Variants in PHYHIPL observed in about 807,000 individuals in gnomAD.
The protein encoded by PHYHIPL is phytanoyl-CoA 2-hydroxylase interacting protein like.
PHYHIPL carries 9 observed loss-of-function variants against 33.4 expected under a neutral mutation model. The observed-to-expected ratio is 0.27, with a 90% CI of 0.16 to 0.47. The LOEUF is 0.47. Among genes scored for constraint, PHYHIPL ranks in the 20% least tolerant of loss-of-function variants. The pLI, the probability that PHYHIPL is intolerant of heterozygous loss-of-function variation, is 0.99. For missense variants in PHYHIPL, 365 were observed against 460.7 expected, an observed-to-expected ratio of 0.79 and a Z score of 1.90; for synonymous variants, 153 against 154.1, an observed-to-expected ratio of 0.99 and a Z score of 0.05.
At chr10:59,185,492 G>A (rs1838567340) in intron 1 of PHYHIPL, among the ~76,000 whole-genome samples, 1 of 152,054 alleles carries the variant, frequency 6.6e-6, no homozygotes, top group Admixed American at 6.5e-5. Context: ...TAATGGGATG[G>A]CTGGGTCAAA....
At chr10:59,196,013 A>G (rs1304640110) in intron 1 of PHYHIPL, among the ~76,000 whole-genome samples, 3 of 152,286 alleles carry the variant, frequency 2.0e-5, no homozygotes, top group South Asian at 2.1e-4. Flanking sequence ...CATATACTCT[A>G]TGTGCATGAG....
At chr10:59,177,199 G>A in intron 1 of PHYHIPL, 1 of 580,906 alleles carries the variant, frequency 1.7e-6, no homozygotes, top group Non-Finnish European at 2.9e-6. Flanking sequence ...GGCGCCCTTC[G>A]CCGCCTTCGC....
intron 1 of PHYHIPL, among the ~76,000 whole-genome samples, chr10:59,220,186 A>G (rs1025999903): frequency 2.0e-5 from 3 of 152,146 alleles, no homozygotes; most frequent in African/African-American, 7.2e-5. Flanking sequence ...CAACTATTAA[A>G]TAAATTAAAG....
rs554618028 is a variant in PHYHIPL at position 59,177,495 on chromosome 10, G to C, written c.106+536G>C. On this transcript the variant is annotated intron_variant, in intron 1 of 4. Transcript: ENST00000373880. ...ATTAGGATGACAGTTTTTCAGTGAGGGCGCAGAAAAACAGTGCATTTCAGC... is the reference window on the plus strand; with the variant it reads ...ATTAGGATGACAGTTTTTCAGTGAGCGCGCAGAAAAACAGTGCATTTCAGC... The C allele has an allele frequency of 3.1e-5, 48 of 1,549,660 alleles. No individual in the cohort carries two copies. In the East Asian group the frequency reaches 1.1e-3, roughly 36 times the overall value.
intron 1 of PHYHIPL, among the ~76,000 whole-genome samples, chr10:59,201,714 G>A (rs1372593823): frequency 2.6e-5 from 4 of 152,020 alleles, no homozygotes; most frequent in Non-Finnish European, 5.9e-5. Flanking sequence ...CCTAATTCTA[G>A]TTTCAGCCAT....
rs1186283710 is a variant in PHYHIPL at position 59,238,610 on chromosome 10, A to T, written c.501A>T (p.Thr167=). ...CAGACTATTCAAAAGTTCATCTAACACAATTGTTGGAGAAGGCTGAAGTGA... is the reference window on the plus strand; with the variant it reads ...CAGACTATTCAAAAGTTCATCTAACTCAATTGTTGGAGAAGGCTGAAGTGA... ...CTADYSKVHL[T]QLLEKAEVIA... The change falls in exon 4 of 5, where the codon ACA becomes ACT. Residue 167 remains threonine, a synonymous_variant. Transcript: ENST00000373880. 1.2e-6 allele frequency: 2 copies of T among 1,609,190 alleles called. No individual in the cohort carries two copies. The highest frequency in any genetic ancestry group is 1.1e-5 in the South Asian group (1 of 90,808).
At chr10:59,221,837 A>G (rs1438201296) in intron 1 of PHYHIPL, among the ~76,000 whole-genome samples, 1 of 152,086 alleles carries the variant, frequency 6.6e-6, no homozygotes, top group Non-Finnish European at 1.5e-5. Flanking sequence ...AAGTTCCAGG[A>G]TGGTAATATT....
chr10:59,195,535 A>G (rs903071563), intron 1 of PHYHIPL, among the ~76,000 whole-genome samples: 3 of 152,178 alleles, frequency 2.0e-5, no homozygotes, highest in Admixed American at 6.5e-5. Flanking sequence ...TCTGTGTCCT[A>G]TGTCTTCAGA....
At chr10:59,240,611 G>A (rs1589299672) in intron 4 of PHYHIPL, among the ~76,000 whole-genome samples, 1 of 151,876 alleles carries the variant, frequency 6.6e-6, no homozygotes, top group Non-Finnish European at 1.5e-5. Flanking sequence ...ACCATCATAA[G>A]TCAGGGACTG....
rs575636836 is a variant in PHYHIPL, at chr10:59,187,853, T to C, written c.106+10894T>C. Among the ~76,000 whole-genome samples, 32 of 152,316 alleles carry C rather than the reference T, an allele frequency of 2.1e-4. 2 individuals are homozygous for C. In the East Asian group the frequency reaches 6.2e-3, roughly 29 times the overall value. On this transcript the variant is annotated intron_variant, in intron 1 of 4. Transcript: ENST00000373880. Reference sequence around the variant, plus strand: ...TTATTGTGTCTATTTGATTCTTCTCTCTTTTCTTCTTTATTAGTCTTGCTA... The same window carrying C: ...TTATTGTGTCTATTTGATTCTTCTCCCTTTTCTTCTTTATTAGTCTTGCTA...
At chr10:59,236,457 C>A in intron 2 of PHYHIPL, 26 bp from the exon 3 acceptor site, 3 of 1,402,016 alleles carry the variant, frequency 2.1e-6, no homozygotes, top group Admixed American at 2.3e-5. Context: ...TCATTTTTCT[C>A]TCTCTCTTCC....
chr10:59,243,033 A>G (rs565666835), intron 4 of PHYHIPL, among the ~76,000 whole-genome samples: 20 of 152,222 alleles, frequency 1.3e-4, no homozygotes, highest in African/African-American at 4.8e-4. Flanking sequence ...CAAACAACAT[A>G]AACATACAGA....
chr10:59,184,674 T>G (rs1838517150), intron 1 of PHYHIPL, among the ~76,000 whole-genome samples: 1 of 151,878 alleles, frequency 6.6e-6, no homozygotes, highest in Admixed American at 6.6e-5. Flanking sequence ...ATACTTTAAG[T>G]TTTAGGGTAC....
intron 1 of PHYHIPL, chr10:59,183,525 T>G (rs1333628712): frequency 1.0e-5 from 3 of 296,110 alleles, no homozygotes; most frequent in Non-Finnish European, 1.5e-5. Flanking sequence ...ACTTCAGTTT[T>G]ACAGTGACTT....
chr10:59,187,418 A>G (rs1438979749), intron 1 of PHYHIPL, among the ~76,000 whole-genome samples: 1 of 152,264 alleles, frequency 6.6e-6, no homozygotes, highest in Non-Finnish European at 1.5e-5. Context: ...ATATTGGTCT[A>G]AAATTCTCTT....
At position 59,188,768 on chromosome 10, in the gene PHYHIPL, A is replaced by T. The variant is rs560637471; in HGVS notation, c.106+11809A>T. Among the ~76,000 whole-genome samples the T allele has an allele frequency of 4.6e-5, 7 of 152,182 alleles. No homozygotes were observed. The East Asian group carries it at 9.7e-4, about 21-fold the overall frequency. On this transcript the variant is annotated intron_variant, in intron 1 of 4. Coordinates refer to ENST00000373880, the MANE Select transcript of PHYHIPL (RefSeq NM_032439.4). ...TCTTTGTTGGTTTAAAGTCTATTTTATCCGAGACTAAGATTGCAACCCCTG... is the reference window on the plus strand; with the variant it reads ...TCTTTGTTGGTTTAAAGTCTATTTTTTCCGAGACTAAGATTGCAACCCCTG...
chr10:59,247,677 T>C lies in PHYHIPL; in HGVS notation c.*2086T>C. The C allele has an allele frequency of 6.2e-7, 1 of 1,613,588 alleles. No homozygotes were observed. The highest frequency in any genetic ancestry group is 8.5e-7 in the Non-Finnish European group (1 of 1,179,680). ...CCTCTAATAGTCTCAGTTTGGCTTT[T>C]ATGTGCTTATATTCATAATACTCAT... On this transcript the variant is annotated 3_prime_UTR_variant, in exon 5 of 5. Coordinates refer to ENST00000373880, the MANE Select transcript of PHYHIPL (RefSeq NM_032439.4).
intron 1 of PHYHIPL, among the ~76,000 whole-genome samples, 192 bp from the exon 2 acceptor site, chr10:59,234,112 A>G (rs1311068947): frequency 1.3e-5 from 2 of 151,868 alleles, no homozygotes; most frequent in Admixed American, 6.6e-5. Flanking sequence ...AACATGTCAT[A>G]GATTAGAAAG....
intron 1 of PHYHIPL, among the ~76,000 whole-genome samples, chr10:59,206,033 AT>A (rs1466412990): frequency 2.0e-5 from 3 of 152,166 alleles, no homozygotes; most frequent in Admixed American, 1.3e-4. Flanking sequence ...AATTCTAGTA[AT>A]TAAACTCTTA....
Sources: gnomAD v4.1 joint callset for allele counts (sites outside exome capture counted in the v4.1 genomes callset) on GRCh38, gnomAD v4.1.1 for gene constraint, MANE v1.5 for transcripts, NCBI Gene and HGNC (gene_info 2026-07-23, HGNC 2026-07-21) for gene names.